The following TIAM1 variants were observed in gnomAD, a reference collection of about 807,000 sequenced individuals.
TIAM1 encodes the protein rho guanine nucleotide exchange factor TIAM1.
A neutral mutation model predicts 163.5 loss-of-function variants in TIAM1; 65 were observed. That is an observed-to-expected ratio of 0.40 (90% CI 0.33 to 0.49). The LOEUF is 0.49. Ranked by LOEUF, TIAM1 falls within the 20% of genes least tolerant of loss-of-function variation. The pLI is 0.77. For synonymous variants in TIAM1, 833 were observed against 810.1 expected (o/e 1.03, Z -0.48); for missense variants, 1,789 against 2,044.7 (o/e 0.87, Z 2.41).
At chr21:31,420,081 A>G (rs916709528) in intron 2 of TIAM1, among the ~76,000 whole-genome samples, 1 of 152,168 alleles carries the variant, frequency 6.6e-6, no homozygotes, top group African/African-American at 2.4e-5. Flanking sequence ...AATAAACTAT[A>G]TAACATCCTT....
intron 6 of TIAM1, among the ~76,000 whole-genome samples, chr21:31,230,100 C>A (rs1321462347): frequency 6.6e-6 from 1 of 152,150 alleles, no homozygotes; most frequent in Non-Finnish European, 1.5e-5. Flanking sequence ...ATCTTCAAGG[C>A]AAACCTCTCT....
At chr21:31,260,547 C>T (rs2072402877) in intron 4 of TIAM1, among the ~76,000 whole-genome samples, 1 of 151,956 alleles carries the variant, frequency 6.6e-6, no homozygotes, top group Non-Finnish European at 1.5e-5. Context: ...CTAACATAAG[C>T]TATCTCTCAA....
At chr21:31,482,729 A>G (rs1039005101) in intron 1 of TIAM1, among the ~76,000 whole-genome samples, 2 of 152,150 alleles carry the variant, frequency 1.3e-5, no homozygotes, top group Non-Finnish European at 2.9e-5. Context: ...GCATCTGGTA[A>G]AGTGAATTTG....
At chr21:31,152,477 T>C (rs900909142) in intron 19 of TIAM1, among the ~76,000 whole-genome samples, 159 bp downstream of exon 19, 7 of 152,232 alleles carry the variant, frequency 4.6e-5, no homozygotes, top group African/African-American at 1.7e-4. Flanking sequence ...TGGGCTTCCC[T>C]TAGCCAGACC....
intron 2 of TIAM1, among the ~76,000 whole-genome samples, chr21:31,294,579 C>T (rs75069789): frequency 6.6e-6 from 1 of 152,230 alleles, no homozygotes; most frequent in Non-Finnish European, 1.5e-5. Context: ...TAAAATTTAG[C>T]ACCTAGTAAG....
Position 31,154,401 on chromosome 21 carries a change from C to T in TIAM1, c.3017G>A (p.Cys1006Tyr), listed in dbSNP as rs1455415242. 5 of 1,613,910 alleles carry T rather than the reference C, an allele frequency of 3.1e-6. No individual in the cohort carries two copies. Among genetic ancestry groups the T allele is most frequent in the Non-Finnish European group, 4.2e-6 (5 of 1,179,978 alleles). ...SKSTEQVAAF[C>Y]RSLHEMNPSD... is the part of the protein sequence containing the mutation. ...GGGGTTCATCTCATGCAAACTGCGG[C>T]AAAATGCGGCCACCTGTTCTGTACT... The change falls in exon 17 of 28, where the codon TGC becomes TAC. Residue 1006 changes from cysteine to tyrosine, a missense_variant. Cys to Tyr is a radical substitution (Grantham distance 194). This residue lies in a region of TIAM1 where 303 missense variants were observed against 321.3 expected (regional missense o/e 0.94). Coordinates refer to ENST00000541036, the MANE Select transcript of TIAM1 (RefSeq NM_001353694.2).
rs1271182117 is a variant in TIAM1 at position 31,124,631 on chromosome 21, T to C, written c.4197A>G (p.Arg1399=). 6.2e-7 allele frequency: 1 copy of C among 1,613,548 alleles called. No individual in the cohort carries two copies. Among genetic ancestry groups the C allele is most frequent in the African/African-American group, 1.3e-5 (1 of 75,046 alleles). The change falls in exon 27 of 28, where the codon AGA becomes AGG. Residue 1399 remains arginine, a synonymous_variant. Coordinates refer to ENST00000541036, the MANE Select transcript of TIAM1 (RefSeq NM_001353694.2). The part of the protein sequence containing the change: ...AVHSILRDKH[R]RQLLKTESLP... ...GGCTCTCGGTTTTGAGGAGCTGTCT[T>C]CTGTGCTTATCACGCAGGATTGAAT... is the stretch of plus-strand genomic sequence containing the variant.
At chr21:31,454,042 A>C (rs2044990793) in intron 2 of TIAM1, among the ~76,000 whole-genome samples, 1 of 152,106 alleles carries the variant, frequency 6.6e-6, no homozygotes, top group Non-Finnish European at 1.5e-5. Flanking sequence ...ACCCTGACCA[A>C]TGTATTTTTA....
At chr21:31,213,530 G>T in intron 9 of TIAM1, 58 bp from the exon 10 acceptor site, 1 of 1,471,950 alleles carries the variant, frequency 6.8e-7, no homozygotes, top group Non-Finnish European at 9.5e-7. Flanking sequence ...CAAACGAAAC[G>T]TAGGAAGGGG....
At chr21:31,540,346 T>C (rs1459194797) in intron 1 of TIAM1, among the ~76,000 whole-genome samples, 3 of 150,474 alleles carry the variant, frequency 2.0e-5, no homozygotes, top group East Asian at 3.9e-4. Context: ...GATCACGCCA[T>C]TGCACTCCAG....
At chr21:31,230,011 C>T (rs1175341785) in intron 6 of TIAM1, among the ~76,000 whole-genome samples, 4 of 152,144 alleles carry the variant, frequency 2.6e-5, no homozygotes, top group Non-Finnish European at 5.9e-5. Flanking sequence ...CCTGCAGAGG[C>T]GCACGCAGCA....
chr21:31,195,449 A>G, intron 12 of TIAM1, 144 bp from the exon 13 acceptor site: 1 of 620,520 alleles, frequency 1.6e-6, no homozygotes, highest in Non-Finnish European at 2.7e-6. Context: ...GAAACTCATT[A>G]AAAGTAAAAA....
intron 2 of TIAM1, among the ~76,000 whole-genome samples, chr21:31,312,260 G>C (rs1479600186): frequency 6.6e-6 from 1 of 152,106 alleles, no homozygotes; most frequent in Non-Finnish European, 1.5e-5. Flanking sequence ...TCCCTCTAGA[G>C]AACCCTAATA....
intron 2 of TIAM1, among the ~76,000 whole-genome samples, chr21:31,403,443 G>A (rs887255466): frequency 2.0e-5 from 3 of 152,128 alleles, no homozygotes; most frequent in African/African-American, 7.2e-5. Context: ...CACTGCTCCC[G>A]GCCGATGACA....
At chr21:31,482,261 C>G (rs1374591996) in intron 1 of TIAM1, among the ~76,000 whole-genome samples, 1 of 152,060 alleles carries the variant, frequency 6.6e-6, no homozygotes, top group Non-Finnish European at 1.5e-5. Flanking sequence ...AAGTGATTCT[C>G]CTGCCTCAGC....
chr21:31,441,463 C>T (rs2044414212), intron 2 of TIAM1, among the ~76,000 whole-genome samples: 1 of 152,194 alleles, frequency 6.6e-6, no homozygotes, highest in Admixed American at 6.5e-5. Flanking sequence ...AGCACTTTCC[C>T]CTTCTAGGAC....
intron 12 of TIAM1, 78 bp from the exon 13 acceptor site, chr21:31,195,383 A>G (rs1356826841): frequency 1.3e-5 from 13 of 1,029,834 alleles, no homozygotes; most frequent in Admixed American, 8.6e-5. Context: ...TCATAAATCT[A>G]TTTTTTCACA....
At chr21:31,417,028 T>C (rs932254286) in intron 2 of TIAM1, among the ~76,000 whole-genome samples, 1 of 152,216 alleles carries the variant, frequency 6.6e-6, no homozygotes, top group African/African-American at 2.4e-5. Context: ...TTTCATTTTA[T>C]TTTATTTTTT....
chr21:31,455,961 T>G (rs542301740), intron 2 of TIAM1, among the ~76,000 whole-genome samples: 16 of 152,166 alleles, frequency 1.1e-4, no homozygotes, highest in Non-Finnish European at 2.1e-4. Context: ...GAAATCTGAC[T>G]GGGGTCTGAG....
Sources: allele counts gnomAD v4.1 joint callset (sites outside exome capture counted in the v4.1 genomes callset), GRCh38; gene constraint gnomAD v4.1.1; regional missense constraint gnomAD v4.1.1; transcripts MANE v1.5; gene names NCBI Gene and HGNC (gene_info 2026-07-23, HGNC 2026-07-21).